The following FRMPD1 variants were observed in gnomAD, a reference collection of about 807,000 sequenced individuals.
The protein encoded by FRMPD1 is FERM and PDZ domain containing 1.
Under a neutral mutation model 117.8 loss-of-function variants are expected in FRMPD1, and 76 were observed. The observed-to-expected ratio is 0.65, with a 90% confidence interval of 0.54 to 0.78. The LOEUF (loss-of-function observed/expected upper bound fraction) is 0.78. FRMPD1 is among the 30% of genes least tolerant of loss of function. FRMPD1 has a pLI of 0.00. For missense variants in FRMPD1, 1,786 were observed against 1,964.5 expected (o/e 0.91, Z 1.72); for synonymous variants, 783 against 770.4 (o/e 1.02, Z -0.27).
chr9:37,724,914 C>T (rs1225857953), intron 7 of FRMPD1, among the ~76,000 whole-genome samples: 2 of 152,148 alleles, frequency 1.3e-5, no homozygotes, highest in Non-Finnish European at 2.9e-5. Context: ...GGGAAGAGTA[C>T]CATCTCTTCC....
intron 1 of FRMPD1, among the ~76,000 whole-genome samples, chr9:37,652,482 C>A (rs1400117270): frequency 6.6e-6 from 1 of 152,174 alleles, no homozygotes. Flanking sequence ...CGCATTACCA[C>A]GAAAGGATTC....
intron 10 of FRMPD1, 78 bp downstream of exon 10, chr9:37,732,518 A>T (rs765947744): frequency 1.9e-5 from 27 of 1,395,964 alleles, no homozygotes; most frequent in Non-Finnish European, 2.4e-5. Context: ...TGCCACAGAA[A>T]GCTGATAGTC....
Position 37,733,569 on chromosome 9 carries a change from G to A in FRMPD1, c.1092G>A (p.Arg364=). ...IKKAISFHMK[R]NQNLLEPRQK... is the part of the protein sequence containing the mutation. ...AAGCCATTAGCTTCCACATGAAGAG[G>A]AACCAGAATTTGCTGGAACCCCGAC... The change falls in exon 11 of 16, where the codon AGG becomes AGA. Residue 364 remains arginine (R), a synonymous_variant. Coordinates refer to ENST00000377765, the MANE Select transcript of FRMPD1 (RefSeq NM_014907.3). 2 of 1,614,010 alleles carry A rather than the reference G, an allele frequency of 1.2e-6. No individual in the cohort carries two copies. The highest frequency in any genetic ancestry group is 1.3e-5 in the African/African-American group (1 of 75,018).
intron 6 of FRMPD1, among the ~76,000 whole-genome samples, chr9:37,720,948 G>A (rs1017453929): frequency 9.2e-5 from 14 of 152,380 alleles, no homozygotes; most frequent in African/African-American, 3.4e-4. Context: ...GCACAGTGAT[G>A]AGTAGTGAGG....
chr9:37,659,914 C>CCA (rs1820946590), intron 1 of FRMPD1, among the ~76,000 whole-genome samples: 1 of 50,724 alleles, frequency 2.0e-5, no homozygotes, highest in Non-Finnish European at 3.3e-5. Context: ...TTTTCAAGCA[C>CCA]TAAAAAAAAA....
chr9:37,682,006 C>T (rs1253638551), intron 1 of FRMPD1, among the ~76,000 whole-genome samples: 2 of 152,170 alleles, frequency 1.3e-5, no homozygotes, highest in African/African-American at 2.4e-5. Context: ...GCCAGGAACT[C>T]GTCCTAAATG....
chr9:37,745,844 C>G lies in FRMPD1; in HGVS notation c.3812C>G (p.Thr1271Ser). Residue 1271 changes from threonine (T) to serine (S), a missense_variant, in exon 16 of 16, where the codon ACT becomes AGT. Physicochemically the swap from Thr to Ser is moderately conservative, Grantham distance 58 (BLOSUM62 1). Coordinates refer to ENST00000377765, the MANE Select transcript of FRMPD1 (RefSeq NM_014907.3). ...CCACAAGAGGATCCTCACTTAGAAA[C>G]TTCAAACCATTGCTTACTCTCAGAA... is the stretch of plus-strand genomic sequence containing the variant. ...PCPQEDPHLE[T>S]SNHCLLSEGK... 2.5e-6 allele frequency: 4 copies of G among 1,614,196 alleles called. No homozygotes were observed. Among genetic ancestry groups the G allele is most frequent in the Non-Finnish European group, 3.4e-6 (4 of 1,180,014 alleles).
intron 1 of FRMPD1, among the ~76,000 whole-genome samples, chr9:37,675,996 A>G (rs1821515545): frequency 1.3e-5 from 2 of 152,248 alleles, no homozygotes; most frequent in Admixed American, 1.3e-4. Flanking sequence ...ATTGCTGCAC[A>G]AACAGTAACA....
At chr9:37,641,724 C>T in the FRMPD1 span, among the ~76,000 whole-genome samples, 1 of 152,200 alleles carries the variant, frequency 6.6e-6, no homozygotes, top group Non-Finnish European at 1.5e-5. Flanking sequence ...CAAGACTTTC[C>T]CCTGCGTCTG....
Position 37,740,700 on chromosome 9 carries a change from G to C in FRMPD1, c.2172G>C (p.Glu724Asp). 6.2e-7 allele frequency: 1 copy of C among 1,614,146 alleles called. No individual in the cohort carries two copies. The highest frequency in any genetic ancestry group is 8.5e-7 in the Non-Finnish European group (1 of 1,180,010). Residue 724 changes from glutamate to aspartate, a missense_variant, in exon 15 of 16, where the codon GAG (glutamate) becomes GAC (aspartate). Transcript: ENST00000377765. This position sits in a 1 kb window ranked among gnomAD's most constrained non-coding sequence, Gnocchi z 4.2. ...SPASYLSDSS[E>D]STASRQGGAP... ...CCAGCTACCTGAGTGACAGTTCCGA[G>C]AGTACAGCTTCCCGGCAAGGGGGAG...
chr9:37,626,642 A>AAAAAAAAAAAAAAAAAAAAAAAAAAATG, the FRMPD1 span, among the ~76,000 whole-genome samples: 1 of 146,414 alleles, frequency 6.8e-6, no homozygotes, highest in South Asian at 2.2e-4. Flanking sequence ...AAAAAAAAAA[A>AAAAAAAAAAAAAAAAAAAAAAAAAAATG]GCTGGAGGTG....
intron 6 of FRMPD1, among the ~76,000 whole-genome samples, chr9:37,723,891 G>A (rs143095203): frequency 1.3e-3 from 199 of 152,116 alleles, no homozygotes; most frequent in African/African-American, 4.2e-3. Context: ...TCAGCTACTC[G>A]GGAGGCTGAG....
chr9:37,696,458 A>G (rs1468830861), intron 2 of FRMPD1, among the ~76,000 whole-genome samples: 1 of 152,210 alleles, frequency 6.6e-6, no homozygotes, highest in Non-Finnish European at 1.5e-5. Flanking sequence ...TGTAACGGAC[A>G]TTCAATAAAT....
chr9:37,698,486 G>C (rs895376755), intron 2 of FRMPD1, among the ~76,000 whole-genome samples: 3 of 148,176 alleles, frequency 2.0e-5, no homozygotes. Flanking sequence ...TGATGTAACT[G>C]CCTACTTTTA....
chr9:37,724,399 A>G (rs1823534728), intron 7 of FRMPD1, 79 bp downstream of exon 7: 1 of 742,370 alleles, frequency 1.3e-6, no homozygotes. Flanking sequence ...CTTGCCCTGC[A>G]TCTGCCTTGG....
At chr9:37,707,165 T>C (rs541157781) in intron 2 of FRMPD1, among the ~76,000 whole-genome samples, 2 of 152,356 alleles carry the variant, frequency 1.3e-5, no homozygotes, top group East Asian at 3.9e-4. Flanking sequence ...CTTCTCTGTG[T>C]GTCCATAGCA....
chr9:37,637,293 T>C, the FRMPD1 span: 18 of 1,494,960 alleles, frequency 1.2e-5, no homozygotes, highest in Non-Finnish European at 1.7e-5. Flanking sequence ...CCGGGGTTCA[T>C]GGCGGCGGCG....
intron 4 of FRMPD1, among the ~76,000 whole-genome samples, chr9:37,709,805 AAAAGTTCTAGGAAGT>A (rs781689104): frequency 3.3e-5 from 5 of 152,156 alleles, no homozygotes; most frequent in Non-Finnish European, 5.9e-5. Context: ...TTGCCTGCAG[AAAAGTTCTAGGAAGT>A]GAAGTCCAGA....
At chr9:37,658,651 A>C (rs62534449) in intron 1 of FRMPD1, among the ~76,000 whole-genome samples, 15,737 of 152,164 alleles carry the variant, frequency 0.1, 982 homozygotes, top group Middle Eastern at 0.18. Context: ...GCATCACTCC[A>C]GTCTCTGCCT....
Sources: gnomAD v4.1 joint callset for allele counts (sites outside exome capture counted in the v4.1 genomes callset) on GRCh38, gnomAD v4.1.1 for gene constraint, Gnocchi (gnomAD v3.1) non-coding constraint, MANE v1.5 for transcripts, NCBI Gene and HGNC (gene_info 2026-07-23, HGNC 2026-07-21) for gene names.